The following KLF8 variants were observed in gnomAD, a reference collection of about 807,000 sequenced individuals.
KLF8 encodes Krueppel-like factor 8.
A neutral mutation model predicts 18.2 loss-of-function variants in KLF8; 10 were observed. The observed-to-expected ratio is 0.55, with a 90% CI of 0.34 to 0.93. The LOEUF is 0.93. Among genes scored for constraint, KLF8 ranks in the 40% least tolerant of loss-of-function variants. KLF8 has a pLI of 0.02. For synonymous variants in KLF8, 109 were observed against 97.3 expected, an observed-to-expected ratio of 1.12 and a Z score of -0.71; for missense variants, 264 against 277.9, an observed-to-expected ratio of 0.95 and a Z score of 0.36.
the KLF8 span, among the ~76,000 whole-genome samples, chrX:55,978,192 T>A: frequency 9.0e-6 from 1 of 111,050 alleles, no homozygotes; most frequent in Non-Finnish European, 1.9e-5. Context: ...CCCATATAAG[T>A]AGTATTTCCG....
the KLF8 span, among the ~76,000 whole-genome samples, chrX:56,070,809 G>A: frequency 4.4e-5 from 5 of 112,672 alleles, no homozygotes; most frequent in Admixed American, 2.8e-4. Flanking sequence ...ACATGTGGTG[G>A]TTTTTAAATA....
the KLF8 span, among the ~76,000 whole-genome samples, chrX:56,217,638 C>A: frequency 9.0e-6 from 1 of 110,842 alleles, no homozygotes; most frequent in African/African-American, 3.3e-5. Context: ...TTAGGATGGT[C>A]TCAATCTCTT....
At chrX:55,993,067 C>T in the KLF8 span, among the ~76,000 whole-genome samples, 1 of 111,151 alleles carries the variant, frequency 9.0e-6, no homozygotes, top group Non-Finnish European at 1.9e-5. Context: ...GCCTTCCTCT[C>T]TTCTTTTTTG....
chrX:56,184,417 C>T, the KLF8 span, among the ~76,000 whole-genome samples: 50 of 112,676 alleles, frequency 4.4e-4, no homozygotes, highest in Non-Finnish European at 1.9e-4. Flanking sequence ...GGCCTGCCTG[C>T]CTCTGTAGGC....
At chrX:56,177,424 G>A in the KLF8 span, among the ~76,000 whole-genome samples, 5 of 111,101 alleles carry the variant, frequency 4.5e-5, no homozygotes, top group Non-Finnish European at 7.5e-5. Flanking sequence ...GTGGATACTG[G>A]TGAGCAGCAA....
the KLF8 span, among the ~76,000 whole-genome samples, chrX:55,944,346 A>C: frequency 1.8e-5 from 2 of 110,541 alleles, no homozygotes; most frequent in East Asian, 5.6e-4. Flanking sequence ...CTGGCCTCAT[A>C]AAATGAGTTA....
the KLF8 span, among the ~76,000 whole-genome samples, chrX:56,113,554 G>GTTTTTTTTTTTTTTT: frequency 6.6e-4 from 23 of 34,660 alleles, 1 homozygote; most frequent in African/African-American, 1.6e-3. Context: ...GGCAGGGATA[G>GTTTTTTTTTTTTTTT]TTTTTTTTTT....
At chrX:56,266,403 A>G in intron 3 of KLF8, 2 of 716,781 alleles carry the variant, frequency 2.8e-6, no homozygotes, top group Non-Finnish European at 3.3e-6. Context: ...TCACAACTGA[A>G]TTGTAAATTC....
At chrX:56,061,084 T>G in the KLF8 span, among the ~76,000 whole-genome samples, 1 of 111,862 alleles carries the variant, frequency 8.9e-6, no homozygotes, top group Non-Finnish European at 1.9e-5. Flanking sequence ...GCTAGAGGTC[T>G]ATCTATTTTG....
At chrX:55,913,291 C>T in the KLF8 span, among the ~76,000 whole-genome samples, 1 of 111,556 alleles carries the variant, frequency 9.0e-6, no homozygotes, top group African/African-American at 3.3e-5. Flanking sequence ...ATGTCCTTTG[C>T]TATGGGTTGA....
the KLF8 span, among the ~76,000 whole-genome samples, chrX:56,189,814 G>A: frequency 2.2e-5 from 2 of 90,229 alleles, no homozygotes; most frequent in East Asian, 7.3e-4. Flanking sequence ...GGTGGGAATT[G>A]AACAATGAGA....
At chrX:56,135,859 G>A in the KLF8 span, among the ~76,000 whole-genome samples, 88 of 111,584 alleles carry the variant, frequency 7.9e-4, 1 homozygote, top group South Asian at 0.03. Context: ...CTTGGATACA[G>A]CAGTGTTAAG....
intron 2 of KLF8, among the ~76,000 whole-genome samples, chrX:56,263,206 C>G (rs994564030): frequency 9.9e-5 from 11 of 111,302 alleles, no homozygotes; most frequent in Non-Finnish European, 1.7e-4. Flanking sequence ...TCTACTCCCC[C>G]CTTATCTGGA....
At chrX:56,126,038 A>G in the KLF8 span, among the ~76,000 whole-genome samples, 1 of 111,862 alleles carries the variant, frequency 8.9e-6, no homozygotes, top group Non-Finnish European at 1.9e-5. Flanking sequence ...AAACACTAAA[A>G]TCATGTAGAC....
At chrX:56,073,010 G>A in the KLF8 span, among the ~76,000 whole-genome samples, 1,228 of 101,881 alleles carry the variant, frequency 0.012, 9 homozygotes, top group African/African-American at 0.043. Context: ...TTTTTGAGAC[G>A]GAGTCTCACT....
the KLF8 span, among the ~76,000 whole-genome samples, chrX:56,158,077 G>C: frequency 1.2e-3 from 133 of 111,834 alleles, 5 homozygotes; most frequent in East Asian, 0.034. Context: ...TAAGGTGTAA[G>C]GAAGGGATCC....
the KLF8 span, among the ~76,000 whole-genome samples, chrX:56,045,940 G>C: frequency 9.0e-6 from 1 of 111,717 alleles, no homozygotes; most frequent in East Asian, 2.8e-4. Flanking sequence ...CAGGGGGAAT[G>C]CTTTCATCTT....
At chrX:56,089,900 GA>G in the KLF8 span, among the ~76,000 whole-genome samples, 1 of 112,099 alleles carries the variant, frequency 8.9e-6, no homozygotes, top group Non-Finnish European at 1.9e-5. Flanking sequence ...AAGTGGAAGG[GA>G]AAAATAAGTA....
the KLF8 span, among the ~76,000 whole-genome samples, chrX:56,028,482 T>C: frequency 9.0e-6 from 1 of 111,458 alleles, no homozygotes; most frequent in Non-Finnish European, 1.9e-5. Context: ...AAATCTGAGC[T>C]TTCTTCTTGG....
Sources: allele counts gnomAD v4.1 joint callset (sites outside exome capture counted in the v4.1 genomes callset), GRCh38; gene constraint gnomAD v4.1.1; transcripts MANE v1.5; gene names NCBI Gene and HGNC (gene_info 2026-07-23, HGNC 2026-07-21).